Variants in STPG2 observed in about 807,000 individuals in gnomAD.
The protein encoded by STPG2 is sperm-tail PG-rich repeat-containing protein 2.
In STPG2, 56 loss-of-function variants were observed where a neutral mutation model predicts 54.2. The observed-to-expected ratio is 1.03, with a 90% CI of 0.83 to 1.29. STPG2 has a LOEUF of 1.29. Ranked by LOEUF, STPG2 falls within the 50% of genes most tolerant of loss-of-function variation. The pLI is 0.00. For missense variants in STPG2, 596 were observed against 544.9 expected (o/e 1.09, Z -0.93); for synonymous variants, 200 against 181.8 (o/e 1.10, Z -0.81).
intron 5 of STPG2, among the ~76,000 whole-genome samples, chr4:98,067,106 C>G (rs761808599): frequency 6.6e-6 from 1 of 152,102 alleles, no homozygotes. Flanking sequence ...TCCTTCTCAC[C>G]CCTCTCATTT....
At chr4:97,626,993 T>C (rs1486741124) in intron 10 of STPG2, among the ~76,000 whole-genome samples, 2 of 152,078 alleles carry the variant, frequency 1.3e-5, no homozygotes, top group Non-Finnish European at 2.9e-5. Context: ...TGTTGACTTA[T>C]TCTTTCATTT....
intron 5 of STPG2, among the ~76,000 whole-genome samples, chr4:98,079,742 A>T (rs1249380957): frequency 1.6e-4 from 24 of 152,184 alleles, no homozygotes; most frequent in Admixed American, 1.6e-3. Context: ...TATGAGAAAC[A>T]AAAAAGGTAA....
In STPG2 at chr4:97,972,409, A is replaced by G. The variant is rs1734362566; in HGVS notation, c.804T>C (p.Thr268=). ...GPGFYNVLNN[T]IIASVRNICS... is the part of the protein sequence containing the mutation. ...AGATATTTCTAACACTGGCAATTAT[A>G]GTATTGTTCAAGACATTATAAAATC... Residue 268 remains threonine (T), a synonymous_variant, in exon 7 of 11, where the codon ACT becomes ACC. Coordinates refer to ENST00000295268, the MANE Select transcript of STPG2 (RefSeq NM_174952.3). 1 of 1,599,052 alleles carries G rather than the reference A, an allele frequency of 6.3e-7. No individual in the cohort carries two copies. Among genetic ancestry groups the G allele is most frequent in the South Asian group, 1.1e-5 (1 of 88,950 alleles).
intron 4 of STPG2, among the ~76,000 whole-genome samples, chr4:97,527,897 T>C (rs1399598162): frequency 1.3e-5 from 2 of 152,210 alleles, no homozygotes; most frequent in Non-Finnish European, 2.9e-5. Context: ...TTCTGGATAT[T>C]AGCTCTTTGT....
intron 7 of STPG2, among the ~76,000 whole-genome samples, chr4:97,968,285 G>C (rs1484439965): frequency 6.6e-6 from 1 of 152,102 alleles, no homozygotes; most frequent in East Asian, 1.9e-4. Flanking sequence ...CTGAAATTGA[G>C]GCAATAATTA....
At chr4:98,116,857 G>T (rs949175567) in intron 3 of STPG2, among the ~76,000 whole-genome samples, 2 of 151,806 alleles carry the variant, frequency 1.3e-5, no homozygotes, top group Admixed American at 6.6e-5. Context: ...AATTAATCTG[G>T]TTCTTCAAAA....
At chr4:97,483,944 T>C (rs1011575468) in intron 4 of STPG2, among the ~76,000 whole-genome samples, 3 of 151,792 alleles carry the variant, frequency 2.0e-5, no homozygotes, top group African/African-American at 7.2e-5. Context: ...TGCAAATACA[T>C]GGCAATTAAA....
intron 10 of STPG2, among the ~76,000 whole-genome samples, chr4:97,705,809 G>T (rs1248333382): frequency 1.3e-5 from 2 of 151,192 alleles, no homozygotes; most frequent in Non-Finnish European, 2.9e-5. Context: ...TTTTCATTTT[G>T]GACTCAGAGC....
At chr4:97,755,284 C>T (rs976917970) in intron 9 of STPG2, among the ~76,000 whole-genome samples, 41 of 152,108 alleles carry the variant, frequency 2.7e-4, no homozygotes, top group Non-Finnish European at 3.7e-4. Context: ...ATACTTGTAA[C>T]TGCAAGCAGA....
intron 4 of STPG2, among the ~76,000 whole-genome samples, chr4:97,530,140 G>GT (rs1731381992): frequency 6.6e-6 from 1 of 152,128 alleles, no homozygotes; most frequent in African/African-American, 2.4e-5. Context: ...TTTCTGGTCA[G>GT]TAGGAGGGTC....
At chr4:97,850,602 TTTTA>T (rs1729128215) in intron 8 of STPG2, among the ~76,000 whole-genome samples, 3 of 151,920 alleles carry the variant, frequency 2.0e-5, no homozygotes, top group African/African-American at 7.2e-5. Flanking sequence ...TCCATTAAAA[TTTTA>T]TTTTCTACTT....
intron 9 of STPG2, among the ~76,000 whole-genome samples, chr4:97,816,144 T>C (rs903498249): frequency 1.3e-5 from 2 of 152,146 alleles, no homozygotes; most frequent in Admixed American, 6.6e-5. Context: ...GGTTTTCAGT[T>C]CATGTGTTAG....
chr4:97,696,977 T>C (rs1269540004), intron 10 of STPG2, among the ~76,000 whole-genome samples: 3 of 152,192 alleles, frequency 2.0e-5, no homozygotes, highest in Admixed American at 6.5e-5. Context: ...GAAGATTGCA[T>C]TGCAGAACAG....
chr4:97,452,146 C>G (rs911208702), intron 4 of STPG2, among the ~76,000 whole-genome samples: 43 of 138,344 alleles, frequency 3.1e-4, no homozygotes, highest in African/African-American at 1.1e-3. Context: ...GCCCCCAGCA[C>G]AGCTGCAGCT....
chr4:97,885,386 C>T (rs1223444780), intron 8 of STPG2, among the ~76,000 whole-genome samples: 1 of 152,136 alleles, frequency 6.6e-6, no homozygotes, highest in Non-Finnish European at 1.5e-5. Context: ...TATTTTACTT[C>T]CACTTTCTAA....
chr4:97,565,263 G>A (rs745918610), intron 10 of STPG2, among the ~76,000 whole-genome samples: 8 of 152,068 alleles, frequency 5.3e-5, no homozygotes, highest in African/African-American at 1.9e-4. Context: ...CGCAGTTCTC[G>A]AGCCTTGGCT....
chr4:97,534,825 C>G (rs1731493283), intron 4 of STPG2, among the ~76,000 whole-genome samples: 1 of 152,148 alleles, frequency 6.6e-6, no homozygotes, highest in South Asian at 2.1e-4. Context: ...GCTTCCTGTG[C>G]TCATAATTTT....
chr4:97,805,270 G>C (rs776495286), intron 9 of STPG2, among the ~76,000 whole-genome samples: 8 of 151,996 alleles, frequency 5.3e-5, no homozygotes. Flanking sequence ...GCAGTGGCGC[G>C]ATCTCCCCTC....
rs146922170 is a variant in STPG2, at chr4:97,451,886, A to G, written c.462+260813T>C. 6.0e-3 allele frequency among the ~76,000 whole-genome samples: 920 copies of G among 152,308 alleles called. 5 individuals carry two copies. Among genetic ancestry groups the G allele is most frequent in the South Asian group, 0.02 (98 of 4,834 alleles). On this transcript the variant is annotated intron_variant, in intron 4 of 4. Transcript: ENST00000522676. ...TCATGTGTTAATGTTGAAGAACAGA[A>G]ATAGTGATGGCAGCAGCTGCTCCAG...
Sources: gnomAD v4.1 joint callset for allele counts (sites outside exome capture counted in the v4.1 genomes callset) on GRCh38, gnomAD v4.1.1 for gene constraint, MANE v1.5 for transcripts, NCBI Gene and HGNC (gene_info 2026-07-23, HGNC 2026-07-21) for gene names.